SGCZ: variants seen among roughly 807,000 people sequenced by gnomAD.
The protein encoded by SGCZ is zeta-sarcoglycan.
In SGCZ, 40 loss-of-function variants were observed where a neutral mutation model predicts 41.3. That is an observed-to-expected ratio of 0.97 (90% CI 0.75 to 1.26). The LOEUF (loss-of-function observed/expected upper bound fraction) is 1.26. Among genes scored for constraint, SGCZ ranks in the 50% most tolerant of loss-of-function variants. The pLI is 0.00. For missense variants in SGCZ, 552 were observed against 369.8 expected (o/e 1.49, Z -4.04); for synonymous variants, 206 against 137.5 (o/e 1.50, Z -3.49).
chr8:14,694,156 G>C (rs904026277), intron 1 of SGCZ, among the ~76,000 whole-genome samples: 4 of 152,096 alleles, frequency 2.6e-5, no homozygotes, highest in Admixed American at 2.0e-4. Flanking sequence ...ATAACCCTTA[G>C]CACACAATAA....
chr8:15,144,496 G>T (rs1389948096), intron 1 of SGCZ, among the ~76,000 whole-genome samples: 1 of 150,014 alleles, frequency 6.7e-6, no homozygotes, highest in Non-Finnish European at 1.5e-5. Flanking sequence ...ACTAAGTCTC[G>T]CTCAGTCACC....
At chr8:14,230,226 C>G (rs1042361110) in intron 4 of SGCZ, among the ~76,000 whole-genome samples, 1 of 151,972 alleles carries the variant, frequency 6.6e-6, no homozygotes, top group Admixed American at 6.6e-5. Flanking sequence ...AGAAAAGAGT[C>G]GTGGAGACAA....
At chr8:15,113,861 A>C (rs1439797644) in intron 1 of SGCZ, among the ~76,000 whole-genome samples, 1 of 152,136 alleles carries the variant, frequency 6.6e-6, no homozygotes, top group Non-Finnish European at 1.5e-5. Flanking sequence ...TCTTCCTTAT[A>C]AGTTCCCCCA....
At chr8:14,659,673 A>T (rs1347307371) in intron 1 of SGCZ, among the ~76,000 whole-genome samples, 1 of 152,194 alleles carries the variant, frequency 6.6e-6, no homozygotes, top group South Asian at 2.1e-4. Context: ...GCTTTTGGTG[A>T]AATCAACCAA....
chr8:14,219,452 CA>C (rs1806113713), intron 4 of SGCZ, among the ~76,000 whole-genome samples: 1 of 152,120 alleles, frequency 6.6e-6, no homozygotes, highest in Admixed American at 6.5e-5. Flanking sequence ...ACCAGCACTT[CA>C]AAAGTTGAAT....
At chr8:14,252,899 T>A (rs1937613064) in intron 3 of SGCZ, among the ~76,000 whole-genome samples, 1 of 152,196 alleles carries the variant, frequency 6.6e-6, no homozygotes, top group African/African-American at 2.4e-5. Context: ...TTCCATTATC[T>A]TTTGCAAATT....
intron 2 of SGCZ, among the ~76,000 whole-genome samples, chr8:14,404,301 A>C (rs1279053029): frequency 6.6e-6 from 1 of 152,190 alleles, no homozygotes; most frequent in Admixed American, 6.5e-5. Context: ...TATTATGCCA[A>C]ATAAATTACT....
At chr8:14,197,470 A>G (rs533540985) in intron 4 of SGCZ, among the ~76,000 whole-genome samples, 204 of 152,250 alleles carry the variant, frequency 1.3e-3, no homozygotes, top group Middle Eastern at 0.01. Context: ...AATGTTGTTT[A>G]TCACAAGAAT....
At chr8:14,330,171 G>T (rs1020927216) in intron 2 of SGCZ, among the ~76,000 whole-genome samples, 15 of 152,024 alleles carry the variant, frequency 9.9e-5, no homozygotes, top group African/African-American at 3.4e-4. Context: ...TTAGTTAACT[G>T]TGTATACATT....
chr8:14,985,677 C>T (rs1312841107), intron 1 of SGCZ, among the ~76,000 whole-genome samples: 1 of 152,130 alleles, frequency 6.6e-6, no homozygotes, highest in African/African-American at 2.4e-5. Flanking sequence ...CAAGGATGGG[C>T]TCAAGTAGAG....
intron 3 of SGCZ, among the ~76,000 whole-genome samples, chr8:14,292,220 C>T (rs1356196058): frequency 6.6e-6 from 1 of 151,848 alleles, no homozygotes; most frequent in East Asian, 1.9e-4. Flanking sequence ...TTTCATTCTT[C>T]AAACAAGAAA....
chr8:14,213,660 T>G (rs904312110), intron 4 of SGCZ, among the ~76,000 whole-genome samples: 88 of 152,066 alleles, frequency 5.8e-4, no homozygotes, highest in African/African-American at 2.1e-3. Flanking sequence ...ACAAATATAA[T>G]AGACCTCATG....
At chr8:14,399,697 T>G (rs1799019614) in intron 2 of SGCZ, among the ~76,000 whole-genome samples, 1 of 152,134 alleles carries the variant, frequency 6.6e-6, no homozygotes, top group South Asian at 2.1e-4. Flanking sequence ...TTAAACTTCT[T>G]CAGAACATAT....
chr8:14,641,221 G>T (rs1006239424), intron 1 of SGCZ, among the ~76,000 whole-genome samples: 8 of 151,582 alleles, frequency 5.3e-5, no homozygotes, highest in African/African-American at 1.9e-4. Context: ...TCCAGGCTTA[G>T]TCTATTACAG....
intron 1 of SGCZ, among the ~76,000 whole-genome samples, chr8:14,749,110 A>C (rs1282998561): frequency 6.6e-6 from 1 of 152,006 alleles, no homozygotes; most frequent in African/African-American, 2.4e-5. Flanking sequence ...ATTCATATTA[A>C]GTAATATTCA....
chr8:14,590,148 A>C (rs1194529775), intron 1 of SGCZ, among the ~76,000 whole-genome samples: 1 of 152,154 alleles, frequency 6.6e-6, no homozygotes, highest in African/African-American at 2.4e-5. Context: ...TTATATTTTT[A>C]CATCATTCAA....
chr8:14,814,535 T>A (rs988520094), intron 1 of SGCZ, among the ~76,000 whole-genome samples: 3 of 152,192 alleles, frequency 2.0e-5, no homozygotes, highest in African/African-American at 7.2e-5. Flanking sequence ...ACCAAGTATG[T>A]AAAGCAGCAT....
At chr8:14,511,961 A>G (rs1305735397) in intron 2 of SGCZ, among the ~76,000 whole-genome samples, 1 of 152,170 alleles carries the variant, frequency 6.6e-6, no homozygotes. Flanking sequence ...AAGGTTGGAA[A>G]TAATAGCTGA....
At chr8:14,285,992 G>A (rs1339159935) in intron 3 of SGCZ, among the ~76,000 whole-genome samples, 1 of 152,002 alleles carries the variant, frequency 6.6e-6, no homozygotes, top group Non-Finnish European at 1.5e-5. Flanking sequence ...CTAAAAGAAA[G>A]ATTTATTATC....
Sources: allele counts gnomAD v4.1 joint callset (sites outside exome capture counted in the v4.1 genomes callset), GRCh38; gene constraint gnomAD v4.1.1; transcripts MANE v1.5; gene names NCBI Gene and HGNC (gene_info 2026-07-23, HGNC 2026-07-21).